The following SOHLH2 variants were observed in gnomAD, a reference collection of about 807,000 sequenced individuals.
SOHLH2 encodes spermatogenesis- and oogenesis-specific basic helix-loop-helix-containing protein 2.
Under a neutral mutation model 50.4 loss-of-function variants are expected in SOHLH2, and 22 were observed. The ratio of observed to expected loss-of-function variants is 0.44; its 90% CI spans 0.31 to 0.62. SOHLH2 has a LOEUF of 0.62. Ranked by LOEUF, SOHLH2 falls within the 20% of genes least tolerant of loss-of-function variation. The pLI is 0.08. For missense variants in SOHLH2, 412 were observed against 504.4 expected (o/e 0.82, Z 1.76); for synonymous variants, 185 against 187.3 (o/e 0.99, Z 0.10).
chr13:36,187,409 T>C (rs1190331780), intron 6 of SOHLH2, among the ~76,000 whole-genome samples: 3 of 152,176 alleles, frequency 2.0e-5, no homozygotes, highest in African/African-American at 7.2e-5. Flanking sequence ...AGGATATCAA[T>C]TGTATAATAT....
At chr13:36,169,172 A>G (rs1010750862) in intron 10 of SOHLH2, 118 bp from the exon 11 acceptor site, 5 of 1,393,210 alleles carry the variant, frequency 3.6e-6, no homozygotes, top group Non-Finnish European at 4.7e-6. Flanking sequence ...AAACTATGTT[A>G]AATCCTCAGG....
intron 4 of SOHLH2, 93 bp from the exon 5 acceptor site, chr13:36,191,987 G>T: frequency 7.7e-7 from 1 of 1,298,674 alleles, no homozygotes; most frequent in Non-Finnish European, 1.1e-6. Context: ...TAATGCAGTT[G>T]TCTTTTACTC....
At chr13:36,201,766 C>A (rs747772107) in intron 2 of SOHLH2, 113 bp downstream of exon 2, 97 of 1,428,770 alleles carry the variant, frequency 6.8e-5, no homozygotes, top group Non-Finnish European at 8.2e-5. Context: ...CAATCCCTGG[C>A]CCCTCAATTT....
intron 5 of SOHLH2, 121 bp from the exon 6 acceptor site, chr13:36,190,177 G>T: frequency 1.3e-6 from 1 of 788,744 alleles, no homozygotes; most frequent in Non-Finnish European, 1.8e-6. Flanking sequence ...TCATACAAAG[G>T]GGCAATAAGT....
At chr13:36,203,760 G>A (rs1335493386) in intron 1 of SOHLH2, among the ~76,000 whole-genome samples, 1 of 151,946 alleles carries the variant, frequency 6.6e-6, no homozygotes, top group African/African-American at 2.4e-5. Context: ...AATGAATGGA[G>A]TACCTTTTCA....
In SOHLH2 at chr13:36,168,978, G is replaced by T; in HGVS notation, c.*56C>A. On this transcript the variant is annotated 3_prime_UTR_variant, in exon 11 of 11. Coordinates refer to ENST00000379881, the MANE Select transcript of SOHLH2 (RefSeq NM_017826.3). ...ATCATTCTTTGTTCCACTTTTCCTA[G>T]ATTGTCAAACTGCGCCCAGTAGGTG... 3 of 1,576,364 alleles carry T rather than the reference G, an allele frequency of 1.9e-6. No individual in the cohort carries two copies. The highest frequency in any genetic ancestry group is 2.6e-6 in the Non-Finnish European group (3 of 1,165,338).
intron 1 of SOHLH2, among the ~76,000 whole-genome samples, chr13:36,206,377 CTAAT>C (rs1269092887): frequency 6.6e-5 from 10 of 151,962 alleles, no homozygotes; most frequent in Non-Finnish European, 1.3e-4. Context: ...TCATTCATTG[CTAAT>C]TAGTTTATAA....
Position 36,168,988 on chromosome 13 carries a change from C to T in SOHLH2, c.*46G>A. The T allele has an allele frequency of 1.3e-6, 2 of 1,584,642 alleles. No individual in the cohort carries two copies. The highest frequency in any genetic ancestry group is 1.7e-6 in the Non-Finnish European group (2 of 1,168,824). The stretch of plus-strand genomic sequence containing the variant: ...GTTCCACTTTTCCTAGATTGTCAAA[C>T]TGCGCCCAGTAGGTGGTTGAGAGTG... On this transcript the variant is annotated 3_prime_UTR_variant, in exon 11 of 11. Coordinates refer to ENST00000379881, the MANE Select transcript of SOHLH2 (RefSeq NM_017826.3).
intron 6 of SOHLH2, among the ~76,000 whole-genome samples, chr13:36,180,153 T>G (rs1431062595): frequency 6.6e-6 from 1 of 152,236 alleles, no homozygotes; most frequent in African/African-American, 2.4e-5. Context: ...CCAGTACATC[T>G]AGGTTGTAGA....
In SOHLH2 at chr13:36,174,752, C is replaced by T. The variant is rs781483118; in HGVS notation, c.759G>A (p.Arg253=). 6 of 1,609,160 alleles carry T rather than the reference C, an allele frequency of 3.7e-6. No homozygotes were observed. The South Asian group carries it at 4.5e-5, about 12-fold the overall frequency. ...CCATAACGGCTGGAGAGATTTTCTC[C>T]CGGATATATTTCACATAATCAACTG... ...EATVDYVKYI[R]EKISPAVMAQ... is the part of the protein sequence containing the mutation. The change falls in exon 7 of 11, where the codon CGG becomes CGA. Residue 253 remains arginine (R), a synonymous_variant. Coordinates refer to ENST00000379881, the MANE Select transcript of SOHLH2 (RefSeq NM_017826.3).
At chr13:36,196,097 A>AAGAT (rs35207535) in intron 2 of SOHLH2, among the ~76,000 whole-genome samples, 6,140 of 145,648 alleles carry the variant, frequency 0.042, 143 homozygotes, top group African/African-American at 0.058. Flanking sequence ...GACAGACAGA[A>AAGAT]AGATAGATAG....
rs1183005389 is a variant in SOHLH2, at chr13:36,168,467, T to G, written c.*567A>C. On this transcript the variant is annotated 3_prime_UTR_variant, in exon 11 of 11. Transcript: ENST00000379881. ...AAGCACACATCAATTTATTCATTAG[T>G]TGTCAAGTGAGGAGGTAAACCCCTC... The G allele has an allele frequency of 6.6e-6, 1 of 152,290 alleles. No individual in the cohort carries two copies. The highest frequency in any genetic ancestry group is 1.5e-5 in the Non-Finnish European group (1 of 68,118). 9.4% of individuals were successfully genotyped at this position (152,290 alleles called of 1,614,324 possible). A position where few individuals can be genotyped will look rare whatever the true frequency, so the allele number is the denominator to read the frequency against.
chr13:36,187,896 T>C (rs772813018), intron 6 of SOHLH2, among the ~76,000 whole-genome samples: 5 of 152,282 alleles, frequency 3.3e-5, no homozygotes, highest in Admixed American at 6.5e-5. Flanking sequence ...TGCCTCCCCT[T>C]GGATCTGGGT....
At chr13:36,182,278 G>A (rs1887279022) in intron 6 of SOHLH2, 1 of 985,288 alleles carries the variant, frequency 1.0e-6, no homozygotes, top group African/African-American at 1.7e-5. Context: ...CTGCAAACAA[G>A]AATCTGAAAT....
At chr13:36,209,543 A>C (rs1261684451) in intron 1 of SOHLH2, among the ~76,000 whole-genome samples, 1 of 152,158 alleles carries the variant, frequency 6.6e-6, no homozygotes, top group Non-Finnish European at 1.5e-5. Flanking sequence ...TGGAGAAGCA[A>C]GGGATCTTTC....
In SOHLH2 at chr13:36,170,594, C is replaced by A. The variant is rs768567829; in HGVS notation, c.1194G>T (p.Lys398Asn). 4 of 1,614,132 alleles carry A rather than the reference C, an allele frequency of 2.5e-6. No individual in the cohort carries two copies. In the South Asian group the frequency reaches 4.4e-5, roughly 18 times the overall value. ...CAGAAGTGCAGTGCCGAGGGAGAAG[C>A]TTTGAGACCGGGGGCATGGCTGAAG... ...HLPSAMPPVSKLLPRHCTSGL... is the reference protein window; with the variant it reads ...HLPSAMPPVSNLLPRHCTSGL... The change falls in exon 10 of 11, where the codon AAG becomes AAT. Residue 398 changes from lysine to asparagine, a missense_variant. Transcript: ENST00000379881.
At chr13:36,184,701 A>T (rs560611981) in intron 6 of SOHLH2, among the ~76,000 whole-genome samples, 1 of 151,826 alleles carries the variant, frequency 6.6e-6, no homozygotes, top group Non-Finnish European at 1.5e-5. Flanking sequence ...CTCGTGATCC[A>T]CCCGCCTTGG....
intron 1 of SOHLH2, among the ~76,000 whole-genome samples, chr13:36,205,487 A>G (rs1372191461): frequency 6.6e-6 from 1 of 152,096 alleles, no homozygotes; most frequent in Non-Finnish European, 1.5e-5. Context: ...TATTTATTAA[A>G]TGCTTTTTCA....
At chr13:36,201,023 T>C (rs1260656949) in intron 2 of SOHLH2, among the ~76,000 whole-genome samples, 4 of 119,578 alleles carry the variant, frequency 3.3e-5, no homozygotes, top group African/African-American at 1.3e-4. Flanking sequence ...CACTCCAGCC[T>C]GGGCAACAGA....
Sources: gnomAD v4.1 joint callset for allele counts (sites outside exome capture counted in the v4.1 genomes callset) on GRCh38, gnomAD v4.1.1 for gene constraint, MANE v1.5 for transcripts, NCBI Gene and HGNC (gene_info 2026-07-23, HGNC 2026-07-21) for gene names.